Variants in PIK3CB observed in about 807,000 individuals in gnomAD.
The protein encoded by PIK3CB is phosphatidylinositol-4,5-bisphosphate 3-kinase catalytic subunit beta.
In PIK3CB, 39 loss-of-function variants were observed where a neutral mutation model predicts 136.8. The observed-to-expected ratio is 0.29, with a 90% CI of 0.22 to 0.37. PIK3CB has a LOEUF of 0.37. PIK3CB is among the 10% of genes least tolerant of loss of function. The pLI, the probability that PIK3CB is intolerant of heterozygous loss-of-function variation, is 1.00. For missense variants in PIK3CB, 868 were observed against 1,275.4 expected (o/e 0.68, Z 4.87); for synonymous variants, 428 against 436.6 (o/e 0.98, Z 0.25).
chr3:138,729,283 A>T (rs1227951178), intron 8 of PIK3CB, among the ~76,000 whole-genome samples: 1 of 151,948 alleles, frequency 6.6e-6, no homozygotes, highest in African/African-American at 2.4e-5. Context: ...TCTCTCAGAA[A>T]AAAAAAAAAA....
At position 138,694,809 on chromosome 3, in the gene PIK3CB, A is replaced by G. The variant is rs1288556806; in HGVS notation, c.1869T>C (p.Ala623=). ...NYPDQYVREY[A]VGCLRQMSDE... ...ACCTCATCTGTCGCAGGCAGCCTAC[A>G]GCATATTCTCGAACGTACTGGTCTG... The change falls in exon 14 of 24, where the codon GCT becomes GCC. Residue 623 remains alanine, a synonymous_variant. Transcript: ENST00000674063. 1.2e-6 allele frequency: 2 copies of G among 1,613,262 alleles called. No homozygotes were observed. The highest frequency in any genetic ancestry group is 2.2e-5 in the East Asian group (1 of 44,850).
chr3:138,657,657 A>AGT, intron 22 of PIK3CB, 33 bp downstream of exon 22: 1 of 1,590,250 alleles, frequency 6.3e-7, no homozygotes, highest in Non-Finnish European at 8.6e-7. Context: ...AAATGTTAGA[A>AGT]GTGTTCAGCC....
At chr3:138,817,882 G>C (rs144797645) in intron 1 of PIK3CB, among the ~76,000 whole-genome samples, 1 of 152,112 alleles carries the variant, frequency 6.6e-6, no homozygotes, top group East Asian at 1.9e-4. Context: ...CTTGAGCCCT[G>C]GAGTTTGAGG....
At position 138,716,435 on chromosome 3, in the gene PIK3CB, C is replaced by T. The variant is rs115242356; in HGVS notation, c.1051-1716G>A. On this transcript the variant is annotated intron_variant, in intron 8 of 23. Transcript: ENST00000674063. ...CCATAATCACACATGTTCTTTCTAC[C>T]ACAGTGACAATGGTACCAGCAGCTA... Among the ~76,000 whole-genome samples the T allele has an allele frequency of 3.8e-3, 579 of 152,264 alleles. 5 individuals carry two copies. The highest frequency in any genetic ancestry group is 0.013 in the African/African-American group (556 of 41,544).
intron 2 of PIK3CB, among the ~76,000 whole-genome samples, chr3:138,772,184 T>C (rs2045807979): frequency 6.6e-6 from 1 of 152,110 alleles, no homozygotes; most frequent in East Asian, 1.9e-4. Context: ...TAAACTAATA[T>C]ACACATTAGA....
Position 138,653,805 on chromosome 3 carries a change from T to C in PIK3CB, c.*1584A>G, listed in dbSNP as rs1320860680. ...CCCAGACTTCAGGACACCTCCCATA[T>C]GCATGGCTCCTTACCTCAGGCTCCC... On this transcript the variant is annotated 3_prime_UTR_variant, in exon 24 of 24. Transcript: ENST00000674063. 1 of 197,208 alleles carries C rather than the reference T, an allele frequency of 5.1e-6. No homozygotes were observed. The highest frequency in any genetic ancestry group is 1.1e-5 in the Non-Finnish European group (1 of 95,190). The allele number at this position is 197,208 out of a possible 1,614,324, so 12.2% of individuals were successfully genotyped here. A position where few individuals can be genotyped will look rare whatever the true frequency, so the allele number is the denominator to read the frequency against.
At chr3:138,672,769 G>A (rs1577055546) in intron 19 of PIK3CB, among the ~76,000 whole-genome samples, 1 of 151,898 alleles carries the variant, frequency 6.6e-6, no homozygotes, top group Non-Finnish European at 1.5e-5. Context: ...AAAATTAGCC[G>A]GGCGTGGTGG....
intron 10 of PIK3CB, 121 bp from the exon 11 acceptor site, chr3:138,707,410 A>G (rs986566923): frequency 7.2e-7 from 1 of 1,393,186 alleles, no homozygotes; most frequent in African/African-American, 1.5e-5. Flanking sequence ...CAGAAGTGTG[A>G]CAGACAATTC....
intron 1 of PIK3CB, among the ~76,000 whole-genome samples, chr3:138,816,015 A>G (rs1208776838): frequency 6.6e-6 from 1 of 152,232 alleles, no homozygotes; most frequent in Non-Finnish European, 1.5e-5. Context: ...AAAAACCACA[A>G]GGTGGGTTGG....
chr3:138,798,635 A>G (rs1219527888), intron 1 of PIK3CB, among the ~76,000 whole-genome samples: 1 of 152,144 alleles, frequency 6.6e-6, no homozygotes, highest in Non-Finnish European at 1.5e-5. Context: ...TTTGTATTTA[A>G]AAGTATTTCT....
chr3:138,822,363 C>T (rs970605131), intron 1 of PIK3CB, among the ~76,000 whole-genome samples: 3 of 151,746 alleles, frequency 2.0e-5, no homozygotes, highest in Non-Finnish European at 2.9e-5. Flanking sequence ...CTGGCCAATA[C>T]GGTGAAGCCC....
At chr3:138,677,066 T>TTG (rs1283004346) in intron 19 of PIK3CB, among the ~76,000 whole-genome samples, 1 of 151,856 alleles carries the variant, frequency 6.6e-6, no homozygotes, top group Admixed American at 6.6e-5. Flanking sequence ...AGATTTTTTT[T>TTG]TTTTTTTTGA....
At chr3:138,665,762 G>C (rs536260675) in intron 19 of PIK3CB, among the ~76,000 whole-genome samples, 1 of 152,054 alleles carries the variant, frequency 6.6e-6, no homozygotes, top group Non-Finnish European at 1.5e-5. Context: ...TTGACACAGG[G>C]TTTGGCCATG....
At chr3:138,656,739 TCTC>T (rs1211638960) in intron 22 of PIK3CB, among the ~76,000 whole-genome samples, 1 of 152,058 alleles carries the variant, frequency 6.6e-6, no homozygotes, top group Non-Finnish European at 1.5e-5. Flanking sequence ...CTTCCCTCTC[TCTC>T]CTCTTCAAGA....
At position 138,694,822 on chromosome 3, in the gene PIK3CB, A is replaced by G. The variant is rs2044100498; in HGVS notation, c.1856T>C (p.Val619Ala). Residue 619 changes from valine (V) to alanine (A), a missense_variant, in exon 14 of 24, where the codon GTT becomes GCT. Val to Ala is a moderately conservative substitution (Grantham distance 64). Coordinates refer to ENST00000674063, the MANE Select transcript of PIK3CB (RefSeq NM_006219.3). ...LLDFNYPDQY[V>A]REYAVGCLRQ... Reference sequence around the variant, plus strand: ...CAGGCAGCCTACAGCATATTCTCGAACGTACTGGTCTGGATAGTTGAAATC... The same window carrying G: ...CAGGCAGCCTACAGCATATTCTCGAGCGTACTGGTCTGGATAGTTGAAATC... 1 of 1,613,210 alleles carries G rather than the reference A, an allele frequency of 6.2e-7. No individual in the cohort carries two copies.
chr3:138,680,210 T>C (rs1232938859), intron 19 of PIK3CB, among the ~76,000 whole-genome samples: 1 of 151,792 alleles, frequency 6.6e-6, no homozygotes, highest in Non-Finnish European at 1.5e-5. Flanking sequence ...ATACAAAAAT[T>C]AGCCGGGCGT....
chr3:138,809,320 A>G (rs2046268279), intron 1 of PIK3CB, among the ~76,000 whole-genome samples: 1 of 150,930 alleles, frequency 6.6e-6, no homozygotes, highest in African/African-American at 2.4e-5. Flanking sequence ...GATTAAGAAA[A>G]TTAAGCCGGG....
intron 16 of PIK3CB, among the ~76,000 whole-genome samples, chr3:138,685,284 C>T (rs1468203611): frequency 6.7e-6 from 1 of 149,138 alleles, no homozygotes; most frequent in Non-Finnish European, 1.5e-5. Flanking sequence ...ATCCCAGCTA[C>T]TTGGGAGGCT....
intron 8 of PIK3CB, among the ~76,000 whole-genome samples, chr3:138,720,268 C>G (rs959057066): frequency 2.6e-5 from 4 of 152,162 alleles, no homozygotes; most frequent in Admixed American, 6.5e-5. Context: ...CTCCAAATCA[C>G]TAATTATTAC....
Sources: allele counts gnomAD v4.1 joint callset (sites outside exome capture counted in the v4.1 genomes callset), GRCh38; gene constraint gnomAD v4.1.1; transcripts MANE v1.5; gene names NCBI Gene and HGNC (gene_info 2026-07-23, HGNC 2026-07-21).